The following CEP128 variants were observed in gnomAD, a reference collection of about 807,000 sequenced individuals.
CEP128 encodes centrosomal protein 128kDa.
In CEP128, 132 loss-of-function variants were observed where a neutral mutation model predicts 156.7. The ratio of observed to expected loss-of-function variants is 0.84; its 90% CI spans 0.73 to 0.97. The LOEUF is 0.97. CEP128 is among the 50% of genes least tolerant of loss of function. CEP128 has a pLI of 0.00. For synonymous variants in CEP128, 469 were observed against 448.9 expected, an observed-to-expected ratio of 1.04 and a Z score of -0.57; for missense variants, 1,252 against 1,281.9, an observed-to-expected ratio of 0.98 and a Z score of 0.36.
intron 13 of CEP128, among the ~76,000 whole-genome samples, chr14:80,798,373 G>C (rs1381143703): frequency 6.6e-6 from 1 of 152,218 alleles, no homozygotes; most frequent in Non-Finnish European, 1.5e-5. Context: ...GGCACACGAA[G>C]TGAAGTCCAG....
At chr14:80,479,220 A>T (rs960106780) in intron 14 of CEP128, among the ~76,000 whole-genome samples, 3 of 152,258 alleles carry the variant, frequency 2.0e-5, no homozygotes, top group Non-Finnish European at 4.4e-5. Context: ...ATTTTTAAGC[A>T]AAATATAACA....
At chr14:80,711,988 T>G (rs879294586) in intron 19 of CEP128, among the ~76,000 whole-genome samples, 5 of 152,138 alleles carry the variant, frequency 3.3e-5, no homozygotes, top group African/African-American at 1.2e-4. Context: ...GTATACGAAC[T>G]TAATTTGTTC....
intron 19 of CEP128, among the ~76,000 whole-genome samples, chr14:80,605,721 C>A (rs887496731): frequency 7.9e-5 from 12 of 151,882 alleles, no homozygotes; most frequent in Non-Finnish European, 1.6e-4. Flanking sequence ...GAATGTCTTC[C>A]AAAAGACAGT....
intron 4 of CEP128, among the ~76,000 whole-genome samples, chr14:80,907,342 T>C (rs1381066423): frequency 2.0e-5 from 3 of 152,052 alleles, no homozygotes; most frequent in African/African-American, 7.2e-5. Flanking sequence ...TACAATACCA[T>C]CCTGCCTTGA....
chr14:80,906,391 C>A (rs1168556295), intron 4 of CEP128, among the ~76,000 whole-genome samples: 1 of 152,092 alleles, frequency 6.6e-6, no homozygotes, highest in Non-Finnish European at 1.5e-5. Context: ...AATTGGTGCA[C>A]CACTCATGCG....
intron 9 of CEP128, among the ~76,000 whole-genome samples, chr14:80,842,716 C>A (rs1344422253): frequency 6.6e-6 from 1 of 151,684 alleles, no homozygotes; most frequent in African/African-American, 2.4e-5. Context: ...TTAAAACGGA[C>A]CCAGTAAAAG....
chr14:80,668,822 T>C (rs1239573550), intron 19 of CEP128, among the ~76,000 whole-genome samples: 3 of 152,126 alleles, frequency 2.0e-5, no homozygotes, highest in Admixed American at 1.3e-4. Flanking sequence ...AATTGAATCA[T>C]AGGGGTGAGC....
chr14:80,524,432 T>A (rs1033528280), intron 23 of CEP128, among the ~76,000 whole-genome samples: 1 of 152,186 alleles, frequency 6.6e-6, no homozygotes, highest in Non-Finnish European at 1.5e-5. Flanking sequence ...AGCATTTTCT[T>A]CAGGATGTCA....
At chr14:80,580,475 C>T (rs752929074) in intron 19 of CEP128, 52 bp from the exon 20 acceptor site, 24 of 1,105,386 alleles carry the variant, frequency 2.2e-5, no homozygotes, top group South Asian at 4.0e-5. Flanking sequence ...AAACGAGTTG[C>T]CTCTTATCAT....
chr14:80,945,586 G>A (rs1203902397), upstream of CEP128: 1 of 152,154 alleles, frequency 6.6e-6, no homozygotes, highest in Non-Finnish European at 1.5e-5. Context: ...ATTAGACAAG[G>A]AGTAGAGAGA....
chr14:80,668,858 T>C (rs1300856573), intron 19 of CEP128, among the ~76,000 whole-genome samples: 2 of 152,116 alleles, frequency 1.3e-5, no homozygotes, highest in Non-Finnish European at 2.9e-5. Flanking sequence ...CTCATGATAA[T>C]GAATAAGTCT....
At position 80,582,442 on chromosome 14, in the gene CEP128, T is replaced by A. The variant is rs369823784; in HGVS notation, c.2807-2019A>T. Reference sequence around the variant, plus strand: ...AAGGCAATAACAACTAGAGCAGGTCTGGATGGGACGAGATATAGGTAGCAT... The same window carrying A: ...AAGGCAATAACAACTAGAGCAGGTCAGGATGGGACGAGATATAGGTAGCAT... On this transcript the variant is annotated intron_variant, in intron 19 of 24. Transcript: ENST00000555265. 6.6e-5 allele frequency among the ~76,000 whole-genome samples: 10 copies of A among 152,304 alleles called. 1 individual carries two copies. The highest frequency in any genetic ancestry group is 1.3e-4 in the Admixed American group (2 of 15,286).
intron 12 of CEP128, among the ~76,000 whole-genome samples, chr14:80,832,402 G>T (rs978956201): frequency 6.6e-6 from 1 of 151,764 alleles, no homozygotes; most frequent in African/African-American, 2.4e-5. Context: ...AAAAAAAAAG[G>T]AGGCAATGAA....
intron 21 of CEP128, among the ~76,000 whole-genome samples, chr14:80,551,376 T>G (rs1890201677): frequency 6.6e-6 from 1 of 152,202 alleles, no homozygotes; most frequent in Non-Finnish European, 1.5e-5. Flanking sequence ...ACTGTAATAT[T>G]TTTGATATAT....
intron 13 of CEP128, among the ~76,000 whole-genome samples, chr14:80,823,765 T>A (rs546931005): frequency 7.2e-5 from 11 of 152,336 alleles, no homozygotes; most frequent in Admixed American, 1.3e-4. Flanking sequence ...GGACTGGCAC[T>A]GAGTGTCTGA....
rs186948578 is a variant in CEP128, at chr14:80,607,359, C to T, written c.2807-26936G>A. On this transcript the variant is annotated intron_variant, in intron 19 of 24. Transcript: ENST00000555265. ...AAGGAGATGGAGTGAGAAACAAAAG[C>T]GAATGTAAAATTAGTAAGAATAATT... Among the ~76,000 whole-genome samples the T allele has an allele frequency of 6.5e-4, 99 of 151,980 alleles. 1 individual carries two copies. The highest frequency in any genetic ancestry group is 6.0e-3 in the East Asian group (31 of 5,168).
At chr14:80,531,636 C>G (rs896250030) in intron 21 of CEP128, among the ~76,000 whole-genome samples, 11 of 152,176 alleles carry the variant, frequency 7.2e-5, no homozygotes, top group Non-Finnish European at 1.5e-4. Flanking sequence ...CAATGCCAGA[C>G]ATATTAGGTG....
intron 23 of CEP128, among the ~76,000 whole-genome samples, chr14:80,511,753 G>T (rs1212069095): frequency 1.3e-5 from 2 of 151,692 alleles, no homozygotes; most frequent in Non-Finnish European, 2.9e-5. Flanking sequence ...TCTTCGTACT[G>T]CTTTTGCTGT....
intron 23 of CEP128, among the ~76,000 whole-genome samples, chr14:80,515,434 TCTC>T (rs1265934162): frequency 1.3e-5 from 2 of 152,136 alleles, no homozygotes; most frequent in African/African-American, 2.4e-5. Flanking sequence ...TACTTTTCAC[TCTC>T]CTTTCCTCAT....
Sources: gnomAD v4.1 joint callset for allele counts (sites outside exome capture counted in the v4.1 genomes callset) on GRCh38, gnomAD v4.1.1 for gene constraint, MANE v1.5 for transcripts, NCBI Gene and HGNC (gene_info 2026-07-23, HGNC 2026-07-21) for gene names.